CTNND2: variants seen among roughly 807,000 people sequenced by gnomAD.
The protein encoded by CTNND2 is catenin delta 2.
Under a neutral mutation model 144.4 loss-of-function variants are expected in CTNND2, and 22 were observed. That is an observed-to-expected ratio of 0.15 (90% CI 0.11 to 0.22). CTNND2 has a LOEUF of 0.22. CTNND2 is among the 10% of genes least tolerant of loss of function. The pLI, the probability that CTNND2 is intolerant of heterozygous loss-of-function variation, is 1.00. For synonymous variants in CTNND2, 751 were observed against 695.6 expected, an observed-to-expected ratio of 1.08 and a Z score of -1.25; for missense variants, 1,353 against 1,618.8, an observed-to-expected ratio of 0.84 and a Z score of 2.82.
rs771400484 is a variant in CTNND2 at position 10,988,252 on chromosome 5, G to C, written c.3212-10C>G. ...GAAGCTGGGGCACTTGCTACATAAA[G>C]AAATCAAAAGGGGGATTTTCTGCAT... On this transcript the variant is annotated splice_polypyrimidine_tract_variant and intron_variant, in intron 19 of 21. Coordinates refer to ENST00000304623, the MANE Select transcript of CTNND2 (RefSeq NM_001332.4). The surrounding 1 kb of genome is among the most constrained non-coding windows in gnomAD (Gnocchi z 5.9). 6.2e-7 allele frequency: 1 copy of C among 1,614,080 alleles called. No individual in the cohort carries two copies. The highest frequency in any genetic ancestry group is 1.3e-5 in the African/African-American group (1 of 75,052).
intron 3 of CTNND2, among the ~76,000 whole-genome samples, chr5:11,554,859 C>T (rs116031992): frequency 0.011 from 1,652 of 151,206 alleles, 28 homozygotes; most frequent in African/African-American, 0.036. Context: ...AATATTATGA[C>T]CTAGCAAGAT....
intron 2 of CTNND2, among the ~76,000 whole-genome samples, chr5:11,689,468 G>A (rs1581724549): frequency 1.3e-5 from 2 of 152,096 alleles, no homozygotes; most frequent in East Asian, 3.9e-4. Context: ...TAATTTTTCT[G>A]CCATCTAAAC....
intron 3 of CTNND2, among the ~76,000 whole-genome samples, chr5:11,439,438 CT>C (rs1212418394): frequency 1.3e-5 from 2 of 152,140 alleles, no homozygotes; most frequent in Non-Finnish European, 2.9e-5. Flanking sequence ...CCTTTCACTC[CT>C]TTAGTTTTCT....
rs1206388402 is a variant in CTNND2 at position 10,988,385 on chromosome 5, AT to A, written c.3212-144del. ...CTGATGGGTTTTCTTTTTAATTTTTATTTTTTGGCAGTTTTGGCTCTTGTCC... is the reference window on the plus strand; with the variant it reads ...CTGATGGGTTTTCTTTTTAATTTTTATTTTTGGCAGTTTTGGCTCTTGTCC... On this transcript the variant is annotated intron_variant, in intron 19 of 21. Transcript: ENST00000304623. This position sits in a 1 kb window ranked among gnomAD's most constrained non-coding sequence, Gnocchi z 5.9. 2 of 1,043,372 alleles carry A rather than the reference AT, an allele frequency of 1.9e-6. No individual in the cohort carries two copies. Among genetic ancestry groups the A allele is most frequent in the South Asian group, 1.7e-5 (1 of 58,752 alleles). 64.6% of individuals were successfully genotyped at this position (1,043,372 alleles called of 1,614,324 possible).
At chr5:11,174,234 T>G (rs945974402) in intron 11 of CTNND2, among the ~76,000 whole-genome samples, 4 of 152,058 alleles carry the variant, frequency 2.6e-5, no homozygotes, top group Non-Finnish European at 5.9e-5. Context: ...GGTGCATGAG[T>G]TGAGTGCTGC....
Position 11,726,490 on chromosome 5 carries a change from A to T in CTNND2, c.174+5646T>A, listed in dbSNP as rs186272302. ...TGAATTTTCAAAATAAAAAAAACCC[A>T]ATTCATTTATTTTTCCTATCTAATG... On this transcript the variant is annotated intron_variant, in intron 2 of 21. Transcript: ENST00000304623. Among the ~76,000 whole-genome samples the T allele has an allele frequency of 3.9e-5, 6 of 152,298 alleles. No individual in the cohort carries two copies. The East Asian group carries it at 1.2e-3, about 29-fold the overall frequency.
chr5:11,157,897 CTG>C (rs1758378648), intron 12 of CTNND2, among the ~76,000 whole-genome samples: 1 of 152,178 alleles, frequency 6.6e-6, no homozygotes, highest in Admixed American at 6.5e-5. Context: ...TCTCACCAAA[CTG>C]TGCTCCAGCA....
intron 13 of CTNND2, 99 bp from the exon 14 acceptor site, chr5:11,111,142 C>CCAAAGAGAAATGTG: frequency 7.7e-7 from 1 of 1,295,976 alleles, no homozygotes; most frequent in Non-Finnish European, 1.1e-6. Context: ...GGACACATTT[C>CCAAAGAGAAATGTG]TCTTTGGAAG....
At chr5:11,311,981 A>C (rs908366934) in intron 9 of CTNND2, among the ~76,000 whole-genome samples, 5 of 133,384 alleles carry the variant, frequency 3.7e-5, no homozygotes, top group African/African-American at 1.5e-4. Flanking sequence ...ACACCCACAC[A>C]CTACCCATAT....
At chr5:11,555,322 G>T (rs940787176) in intron 3 of CTNND2, among the ~76,000 whole-genome samples, 2 of 152,158 alleles carry the variant, frequency 1.3e-5, no homozygotes, top group African/African-American at 4.8e-5. Context: ...AATCCAGTTT[G>T]TGTATTTTGC....
intron 9 of CTNND2, among the ~76,000 whole-genome samples, chr5:11,298,165 G>A (rs1047649556): frequency 6.6e-6 from 1 of 152,102 alleles, no homozygotes; most frequent in Non-Finnish European, 1.5e-5. Flanking sequence ...ATAAATGGCT[G>A]TCTTTTATTT....
At chr5:11,636,556 G>A (rs2126487269) in intron 2 of CTNND2, among the ~76,000 whole-genome samples, 1 of 152,304 alleles carries the variant, frequency 6.6e-6, no homozygotes, top group African/African-American at 2.4e-5. Flanking sequence ...GGCAACTGAA[G>A]TGAGCATTTC....
chr5:11,203,431 TTTTTG>T (rs563015091), intron 10 of CTNND2, among the ~76,000 whole-genome samples: 2,134 of 151,992 alleles, frequency 0.014, 29 homozygotes, highest in Non-Finnish European at 0.022. Flanking sequence ...TGCAAAATTG[TTTTTG>T]TTTTGTTTTG....
At chr5:11,306,652 T>C (rs955451003) in intron 9 of CTNND2, among the ~76,000 whole-genome samples, 10 of 152,262 alleles carry the variant, frequency 6.6e-5, no homozygotes, top group African/African-American at 9.6e-5. Flanking sequence ...GGGACTGTTA[T>C]GCAAGGCCCA....
chr5:11,722,621 C>T (rs551694353), intron 2 of CTNND2, among the ~76,000 whole-genome samples: 209 of 152,304 alleles, frequency 1.4e-3, no homozygotes, highest in African/African-American at 4.9e-3. Context: ...GGGAAGCAAA[C>T]ATGTCCTTCT....
intron 14 of CTNND2, among the ~76,000 whole-genome samples, chr5:11,101,579 T>A (rs950839111): frequency 1.3e-5 from 2 of 152,242 alleles, no homozygotes; most frequent in Non-Finnish European, 2.9e-5. Context: ...GGCAAGCAAG[T>A]GGCTTAATCT....
At chr5:11,174,101 G>A (rs1406063636) in intron 11 of CTNND2, among the ~76,000 whole-genome samples, 1 of 152,142 alleles carries the variant, frequency 6.6e-6, no homozygotes, top group Non-Finnish European at 1.5e-5. Flanking sequence ...AGACGTTCTG[G>A]CCTTGAGCAC....
At position 11,246,827 on chromosome 5, in the gene CTNND2, C is replaced by T. The variant is rs577551229; in HGVS notation, c.1629-10004G>A. ...GAGGGAACATTCCAGAACAGGAAAA[C>T]GGAAGTAACAAGCCTCTGAGGCAGG... On this transcript the variant is annotated intron_variant, in intron 9 of 21. Transcript: ENST00000304623. Among the ~76,000 whole-genome samples, 75 of 151,906 alleles carry T rather than the reference C, an allele frequency of 4.9e-4. 1 individual carries two copies. In the South Asian group the frequency reaches 5.2e-3, roughly 11 times the overall value.
chr5:11,689,698 T>A (rs1230481244), intron 2 of CTNND2, among the ~76,000 whole-genome samples: 1 of 152,170 alleles, frequency 6.6e-6, no homozygotes, highest in Non-Finnish European at 1.5e-5. Context: ...TTTATTATGG[T>A]GATATTTTGA....
Sources: allele counts gnomAD v4.1 joint callset (sites outside exome capture counted in the v4.1 genomes callset), GRCh38; gene constraint gnomAD v4.1.1; non-coding constraint Gnocchi (gnomAD v3.1); transcripts MANE v1.5; gene names NCBI Gene and HGNC (gene_info 2026-07-23, HGNC 2026-07-21).